The following HS2ST1 variants were observed in gnomAD, a reference collection of about 807,000 sequenced individuals.
The protein encoded by HS2ST1 is heparan sulfate 2-O-sulfotransferase 1.
HS2ST1 carries 18 observed loss-of-function variants against 42.9 expected under a neutral mutation model. That is an observed-to-expected ratio of 0.42 (90% CI 0.29 to 0.62). The LOEUF (loss-of-function observed/expected upper bound fraction) is 0.62, where lower values mean the gene tolerates loss of function less well. Ranked by LOEUF, HS2ST1 falls within the 20% of genes least tolerant of loss-of-function variation. HS2ST1 has a pLI of 0.21. For missense variants in HS2ST1, 334 were observed against 433.8 expected (o/e 0.77, Z 2.04); for synonymous variants, 146 against 152.9 (o/e 0.95, Z 0.33).
intron 1 of HS2ST1, among the ~76,000 whole-genome samples, chr1:86,982,395 C>A (rs190162039): frequency 6.6e-6 from 1 of 152,326 alleles, no homozygotes; most frequent in South Asian, 2.1e-4. Flanking sequence ...TCTTTTCTAC[C>A]ACAAGTCAGG....
chr1:86,944,443 C>A (rs1037300536), intron 1 of HS2ST1, among the ~76,000 whole-genome samples: 4 of 152,160 alleles, frequency 2.6e-5, no homozygotes, highest in Admixed American at 2.6e-4. Flanking sequence ...CAACCTCCCC[C>A]TTCTGGGTTC....
chr1:87,089,384 A>G (rs1651886665), intron 3 of HS2ST1, among the ~76,000 whole-genome samples: 1 of 152,046 alleles, frequency 6.6e-6, no homozygotes, highest in African/African-American at 2.4e-5. Context: ...TCCCAGGAAG[A>G]TCGTGTTCTA....
chr1:86,966,545 T>C (rs1557497154), intron 1 of HS2ST1, among the ~76,000 whole-genome samples: 2 of 152,250 alleles, frequency 1.3e-5, no homozygotes, highest in Non-Finnish European at 2.9e-5. Flanking sequence ...AGAAACGTGA[T>C]GGGAAATAAA....
chr1:87,014,929 C>T (rs185059965), intron 1 of HS2ST1, among the ~76,000 whole-genome samples: 1 of 152,340 alleles, frequency 6.6e-6, no homozygotes, highest in East Asian at 1.9e-4. Context: ...CACAGGTATT[C>T]TCATGAAAAT....
At chr1:87,103,298 T>G in intron 5 of HS2ST1, 134 bp from the exon 6 acceptor site, 1 of 686,754 alleles carries the variant, frequency 1.5e-6, no homozygotes, top group Non-Finnish European at 2.3e-6. Context: ...TCCCACAGGA[T>G]GGTAATAAAG....
chr1:87,076,839 T>C (rs946164700), intron 2 of HS2ST1, among the ~76,000 whole-genome samples: 10 of 152,246 alleles, frequency 6.6e-5, no homozygotes, highest in Admixed American at 3.3e-4. Context: ...ATAACCCCTT[T>C]TGTTAAAACA....
intron 1 of HS2ST1, among the ~76,000 whole-genome samples, chr1:86,968,762 TCTTTA>T (rs1176661099): frequency 6.6e-6 from 1 of 152,146 alleles, no homozygotes; most frequent in African/African-American, 2.4e-5. Flanking sequence ...GGTTTAAACG[TCTTTA>T]CTTTAATCAT....
At chr1:87,069,586 A>G (rs917972728) in intron 1 of HS2ST1, among the ~76,000 whole-genome samples, 2 of 152,220 alleles carry the variant, frequency 1.3e-5, no homozygotes. Context: ...GTGATTTAAT[A>G]TTACTAACAA....
chr1:86,933,990 T>A (rs1660592852), intron 1 of HS2ST1, among the ~76,000 whole-genome samples: 2 of 152,130 alleles, frequency 1.3e-5, no homozygotes, highest in Non-Finnish European at 1.5e-5. Flanking sequence ...CCTATTGATG[T>A]GGTGTGTGTG....
At chr1:86,968,354 G>A (rs1461825151) in intron 1 of HS2ST1, among the ~76,000 whole-genome samples, 1 of 151,980 alleles carries the variant, frequency 6.6e-6, no homozygotes, top group Non-Finnish European at 1.5e-5. Context: ...TATGTATTTG[G>A]TAACACAGTT....
At chr1:87,092,003 T>C (rs1020341877) in intron 3 of HS2ST1, among the ~76,000 whole-genome samples, 3 of 151,620 alleles carry the variant, frequency 2.0e-5, no homozygotes, top group Admixed American at 2.0e-4. Flanking sequence ...CAAAAAACAC[T>C]ATCAAATCTG....
intron 1 of HS2ST1, among the ~76,000 whole-genome samples, chr1:86,980,275 CTG>C (rs1648539301): frequency 1.3e-5 from 2 of 152,208 alleles, no homozygotes; most frequent in African/African-American, 4.8e-5. Flanking sequence ...TAAAATATAA[CTG>C]TCATGAAATT....
At chr1:87,077,346 G>A (rs993822911) in intron 2 of HS2ST1, among the ~76,000 whole-genome samples, 2 of 152,120 alleles carry the variant, frequency 1.3e-5, no homozygotes, top group Non-Finnish European at 2.9e-5. Flanking sequence ...AGCCACACTG[G>A]CCTTGTGTTT....
chr1:87,025,956 T>TAG (rs755982033), intron 1 of HS2ST1, among the ~76,000 whole-genome samples: 3 of 152,230 alleles, frequency 2.0e-5, no homozygotes, highest in Non-Finnish European at 4.4e-5. Context: ...GGTGGACTTG[T>TAG]AGAGCTGAGG....
intron 1 of HS2ST1, among the ~76,000 whole-genome samples, chr1:86,964,745 A>G (rs762704169): frequency 6.6e-6 from 1 of 152,202 alleles, no homozygotes; most frequent in South Asian, 2.1e-4. Context: ...ACAGACACAC[A>G]TGTATATTTA....
intron 1 of HS2ST1, among the ~76,000 whole-genome samples, chr1:86,929,709 A>G (rs1391979735): frequency 6.6e-6 from 1 of 151,834 alleles, no homozygotes; most frequent in Non-Finnish European, 1.5e-5. Flanking sequence ...ATGATAGTCA[A>G]ATTAATGAAA....
Position 87,106,739 on chromosome 1 carries a change from G to A in HS2ST1, c.*2043G>A, listed in dbSNP as rs939225614. Reference sequence around the variant, plus strand: ...ACTTTTATAGGTATTTCCTGAAAGTGTATACAAATTATTTCCTCGCCCAAA... The same window carrying A: ...ACTTTTATAGGTATTTCCTGAAAGTATATACAAATTATTTCCTCGCCCAAA... On this transcript the variant is annotated 3_prime_UTR_variant, in exon 7 of 7. Transcript: ENST00000370550. 2 of 151,458 alleles carry A rather than the reference G, an allele frequency of 1.3e-5. No homozygotes were observed. Among genetic ancestry groups the A allele is most frequent in the Non-Finnish European group, 1.5e-5 (1 of 67,896 alleles). 9.4% of individuals were successfully genotyped at this position (151,458 alleles called of 1,614,324 possible).
chr1:87,087,888 C>T (rs529324145), intron 3 of HS2ST1, among the ~76,000 whole-genome samples: 2 of 152,194 alleles, frequency 1.3e-5, no homozygotes, highest in Non-Finnish European at 2.9e-5. Context: ...TCAGACAGAT[C>T]TGCCATTAAA....
intron 1 of HS2ST1, among the ~76,000 whole-genome samples, chr1:86,948,769 T>C (rs1448169670): frequency 1.3e-5 from 2 of 152,254 alleles, no homozygotes; most frequent in African/African-American, 2.4e-5. Context: ...GATCTGTTAT[T>C]AAAATTTTTA....
Sources: gnomAD v4.1 joint callset for allele counts (sites outside exome capture counted in the v4.1 genomes callset) on GRCh38, gnomAD v4.1.1 for gene constraint, MANE v1.5 for transcripts, NCBI Gene and HGNC (gene_info 2026-07-23, HGNC 2026-07-21) for gene names.